Variants in MED15 observed in about 807,000 individuals in gnomAD.
The protein encoded by MED15 is mediator of RNA polymerase II transcription subunit 15.
A neutral mutation model predicts 118.7 loss-of-function variants in MED15; 41 were observed. That is an observed-to-expected ratio of 0.35 (90% CI 0.27 to 0.45). The LOEUF is 0.45. Ranked by LOEUF, MED15 falls within the 20% of genes least tolerant of loss-of-function variation. MED15 has a pLI of 1.00. For missense variants in MED15, 740 were observed against 1,025.5 expected (o/e 0.72, Z 3.80); for synonymous variants, 436 against 413.9 (o/e 1.05, Z -0.65).
At chr22:20,576,627 G>A (rs2056831382) in intron 9 of MED15, among the ~76,000 whole-genome samples, 1 of 152,278 alleles carries the variant, frequency 6.6e-6, no homozygotes, top group South Asian at 2.1e-4. Flanking sequence ...TACAGCGGGA[G>A]GAAGTGCCTG....
At chr22:20,558,397 G>A (rs2056101849) in intron 5 of MED15, among the ~76,000 whole-genome samples, 1 of 152,170 alleles carries the variant, frequency 6.6e-6, no homozygotes, top group African/African-American at 2.4e-5. Context: ...ATAGTTTTCA[G>A]GTGACCCAGG....
At chr22:20,544,329 G>A (rs1689036832) in intron 2 of MED15, among the ~76,000 whole-genome samples, 1 of 152,136 alleles carries the variant, frequency 6.6e-6, no homozygotes, top group African/African-American at 2.4e-5. Context: ...TATGTTTCCT[G>A]TGGCTGCTAT....
Position 20,583,235 on chromosome 22 carries a change from G to C in MED15, c.1660G>C (p.Asp554His), listed in dbSNP as rs759723839. ...CCTGCGCCGCATGATCAACAAGATC[G>C]ACAAGAACGAAGGTAGGCTGCAGCC... ...EPLRRMINKI[D>H]KNEDRKKDLS... The change falls in exon 12 of 18, where the codon GAC (aspartate) becomes CAC (histidine). Residue 554 changes from aspartate (D) to histidine (H), a missense_variant. By Grantham distance (81) the Asp-to-His change is moderately conservative (BLOSUM62 -1). Transcript: ENST00000263205. 1 of 1,611,484 alleles carries C rather than the reference G, an allele frequency of 6.2e-7. No individual in the cohort carries two copies. Among genetic ancestry groups the C allele is most frequent in the Non-Finnish European group, 8.5e-7 (1 of 1,178,332 alleles).
At position 20,507,703 on chromosome 22, in the gene MED15, G is replaced by T; in HGVS notation, c.25G>T (p.Asp9Tyr). The T allele has an allele frequency of 1.2e-6, 2 of 1,614,066 alleles. No individual in the cohort carries two copies. The highest frequency in any genetic ancestry group is 1.7e-6 in the Non-Finnish European group (2 of 1,179,938). Residue 9 changes from aspartate (D) to tyrosine (Y), a missense_variant, in exon 1 of 18, where the codon GAC becomes TAC. Physicochemically the swap from Asp to Tyr is radical, Grantham distance 160 (BLOSUM62 -3). Transcript: ENST00000263205. MDVSGQET[D>Y]WRSTAFRQKL... ...CATGGACGTTTCCGGGCAAGAGACC[G>T]ACTGGCGGAGCACCGCCTTCCGGCA... is the stretch of plus-strand genomic sequence containing the variant.
rs2056780968 is a variant in MED15, at chr22:20,575,047, C to T, written c.1153-66C>T. The T allele has an allele frequency of 2.5e-6, 4 of 1,602,710 alleles. No homozygotes were observed. In the South Asian group the frequency reaches 4.4e-5, roughly 18 times the overall value. On this transcript the variant is annotated intron_variant, in intron 8 of 17. Transcript: ENST00000263205. ...CTTGCAGAGGCTACACGTGCCCTCT[C>T]CACCTGCCCAGGCACTGAGTTTCTT...
At chr22:20,565,329 G>T (rs953444124) in intron 6 of MED15, among the ~76,000 whole-genome samples, 1 of 152,180 alleles carries the variant, frequency 6.6e-6, no homozygotes, top group Non-Finnish European at 1.5e-5. Flanking sequence ...TGAGGCTTGG[G>T]ACTACTTGAG....
At chr22:20,585,366 C>A in intron 16 of MED15, 99 bp downstream of exon 16, 1 of 1,479,528 alleles carries the variant, frequency 6.8e-7, no homozygotes, top group Admixed American at 1.9e-5. Context: ...GCCCAGAACC[C>A]ACCCTGTGTT....
At chr22:20,586,191 G>A (rs887024019) in intron 17 of MED15, among the ~76,000 whole-genome samples, 2 of 152,208 alleles carry the variant, frequency 1.3e-5, no homozygotes, top group Admixed American at 6.5e-5. Flanking sequence ...GGGCTGCCAG[G>A]TTCCACTGGT....
At chr22:20,583,663 G>A (rs1439439229) in intron 13 of MED15, 1 of 473,538 alleles carries the variant, frequency 2.1e-6, no homozygotes, top group Non-Finnish European at 3.9e-6. Flanking sequence ...TCAGCAGCCA[G>A]GGGCCCAGCT....
chr22:20,558,317 A>G (rs2056098643), intron 5 of MED15, among the ~76,000 whole-genome samples: 1 of 151,984 alleles, frequency 6.6e-6, no homozygotes, highest in African/African-American at 2.4e-5. Context: ...ATCTAGTGCC[A>G]CCAAGAGGAC....
chr22:20,559,708 C>G (rs1369479265), intron 5 of MED15, among the ~76,000 whole-genome samples: 3 of 152,180 alleles, frequency 2.0e-5, no homozygotes, highest in East Asian at 3.8e-4. Context: ...AGCTGCCAGT[C>G]ACATTTGTAT....
In MED15 at chr22:20,553,152, G is replaced by T. The variant is rs1175293214; in HGVS notation, c.216G>T (p.Lys72Asn). Reference protein sequence around the residue: ...LIIHFRDIHNKKSQASVSDPM... With the variant: ...LIIHFRDIHNNKSQASVSDPM... ...GTTTGTGTTTTCATATAGATAACAA[G>T]AAATCTCAAGCTTCCGTCAGTGGTA... Residue 72 changes from lysine to asparagine, a missense_variant, in exon 4 of 18, where the codon AAG (lysine) becomes AAT (asparagine). Physicochemically the swap from Lys to Asn is moderately conservative, Grantham distance 94. Coordinates refer to ENST00000263205, the MANE Select transcript of MED15 (RefSeq NM_001003891.3). The T allele has an allele frequency of 6.2e-7, 1 of 1,611,266 alleles. No homozygotes were observed. Among genetic ancestry groups the T allele is most frequent in the African/African-American group, 1.3e-5 (1 of 74,840 alleles).
chr22:20,541,650 A>ATTTTT (rs35805990), intron 2 of MED15, among the ~76,000 whole-genome samples: 14 of 125,516 alleles, frequency 1.1e-4, no homozygotes, highest in Admixed American at 1.6e-4. Flanking sequence ...CACCCAGCTA[A>ATTTTT]TTTTTTTTTT....
chr22:20,551,560 G>A (rs2055777513), intron 3 of MED15, 73 bp downstream of exon 3: 1 of 1,434,624 alleles, frequency 7.0e-7, no homozygotes, highest in Admixed American at 1.7e-5. Flanking sequence ...CCTCGGCAGA[G>A]CTTTCTGGGC....
In MED15 at chr22:20,553,141, A is replaced by C; in HGVS notation, c.209-4A>C. 1 of 1,610,582 alleles carries C rather than the reference A, an allele frequency of 6.2e-7. No individual in the cohort carries two copies. The highest frequency in any genetic ancestry group is 8.5e-7 in the Non-Finnish European group (1 of 1,177,502). On this transcript the variant is annotated splice_region_variant and splice_polypyrimidine_tract_variant and intron_variant, in intron 3 of 17. Coordinates refer to ENST00000263205, the MANE Select transcript of MED15 (RefSeq NM_001003891.3). The stretch of plus-strand genomic sequence containing the variant: ...TTCGTTTTTTTGTTTGTGTTTTCAT[A>C]TAGATAACAAGAAATCTCAAGCTTC...
intron 2 of MED15, among the ~76,000 whole-genome samples, chr22:20,540,871 T>C (rs2329363): frequency 0.061 from 9,120 of 149,742 alleles, 630 homozygotes; most frequent in East Asian, 0.38. Flanking sequence ...ATATCCAGAA[T>C]ACATAAAGAA....
At position 20,582,613 on chromosome 22, in the gene MED15, C is replaced by T; in HGVS notation, c.1275C>T (p.Val425=). 6.4e-7 allele frequency: 1 copy of T among 1,550,726 alleles called. No homozygotes were observed. Among genetic ancestry groups the T allele is most frequent in the Non-Finnish European group, 8.7e-7 (1 of 1,154,148 alleles). ...CGGCTGAGCCCCTCCACTTCCAGGT[C>T]AGCCAGAGCAGCCTCCCCATGCTGT... The part of the protein sequence containing the change: ...IPLGRQPMAQ[V]SQSSLPMLSS... Residue 425 remains valine (V), a splice_region_variant and synonymous_variant, in exon 10 of 18, where the codon GTC becomes GTT. Transcript: ENST00000263205.
chr22:20,574,100 T>C (rs887349201), intron 8 of MED15: 4 of 152,260 alleles, frequency 2.6e-5, no homozygotes, highest in African/African-American at 9.6e-5. Flanking sequence ...CTGGCACCTG[T>C]CGCTGCCTGC....
chr22:20,569,615 T>A (rs1019093898), intron 8 of MED15, among the ~76,000 whole-genome samples: 1 of 151,494 alleles, frequency 6.6e-6, no homozygotes, highest in African/African-American at 2.4e-5. Context: ...CTACCTCTTT[T>A]AAGTCCCTGG....
Sources: allele counts gnomAD v4.1 joint callset (sites outside exome capture counted in the v4.1 genomes callset), GRCh38; gene constraint gnomAD v4.1.1; transcripts MANE v1.5; gene names NCBI Gene and HGNC (gene_info 2026-07-23, HGNC 2026-07-21).